The following PIK3C3 variants were observed in gnomAD, a reference collection of about 807,000 sequenced individuals.
PIK3C3 encodes the protein PI3-kinase type 3.
In PIK3C3, 95 loss-of-function variants were observed where a neutral mutation model predicts 126.1. The observed-to-expected ratio is 0.75, with a 90% CI of 0.64 to 0.89. PIK3C3 has a LOEUF of 0.89. Among genes scored for constraint, PIK3C3 ranks in the 40% least tolerant of loss-of-function variants. The pLI, the probability that PIK3C3 is intolerant of heterozygous loss-of-function variation, is 0.00. For synonymous variants in PIK3C3, 374 were observed against 360.0 expected (o/e 1.04, Z -0.44); for missense variants, 829 against 1,063.2 (o/e 0.78, Z 3.06).
intron 10 of PIK3C3, among the ~76,000 whole-genome samples, chr18:42,006,092 A>G (rs1982529105): frequency 6.6e-6 from 1 of 151,224 alleles, no homozygotes; most frequent in Non-Finnish European, 1.5e-5. Flanking sequence ...ATCCTAAAGG[A>G]TACAGAAGAA....
intron 22 of PIK3C3, among the ~76,000 whole-genome samples, chr18:42,062,187 T>G (rs576668940): frequency 1.8e-4 from 27 of 152,252 alleles, no homozygotes; most frequent in South Asian, 6.2e-4. Flanking sequence ...TATGTACCTA[T>G]GTAATCAACA....
intron 16 of PIK3C3, among the ~76,000 whole-genome samples, chr18:42,036,079 C>T (rs899056009): frequency 1.3e-4 from 20 of 152,122 alleles, no homozygotes; most frequent in Admixed American, 5.2e-4. Context: ...CTTCCAATTA[C>T]TAGGGCTCAA....
chr18:42,011,155 C>T (rs1385584578), intron 10 of PIK3C3, among the ~76,000 whole-genome samples: 1 of 152,182 alleles, frequency 6.6e-6, no homozygotes, highest in African/African-American at 2.4e-5. Context: ...TAGCGTAATT[C>T]TTAAGGGCCC....
chr18:41,983,190 C>T (rs928436950), intron 4 of PIK3C3, among the ~76,000 whole-genome samples: 1 of 152,020 alleles, frequency 6.6e-6, no homozygotes, highest in African/African-American at 2.4e-5. Flanking sequence ...TTATTTCCAC[C>T]TTGATGTTCT....
At chr18:42,042,785 A>C (rs1288119356) in intron 19 of PIK3C3, among the ~76,000 whole-genome samples, 1 of 152,244 alleles carries the variant, frequency 6.6e-6, no homozygotes, top group Non-Finnish European at 1.5e-5. Flanking sequence ...GTTGTTTTCC[A>C]AAACAGTAAC....
At chr18:42,034,806 G>A (rs1260642384) in intron 16 of PIK3C3, among the ~76,000 whole-genome samples, 1 of 152,158 alleles carries the variant, frequency 6.6e-6, no homozygotes, top group South Asian at 2.1e-4. Context: ...CTTTGCATGA[G>A]TTAAGAAAGG....
chr18:42,052,149 TTGTG>T (rs1287849185), intron 21 of PIK3C3, among the ~76,000 whole-genome samples: 3 of 151,984 alleles, frequency 2.0e-5, no homozygotes, highest in African/African-American at 4.8e-5. Context: ...AAAAGTGCCC[TTGTG>T]TGTATTTGTG....
At chr18:42,003,612 G>C (rs1213360385) in intron 9 of PIK3C3, among the ~76,000 whole-genome samples, 2 of 152,100 alleles carry the variant, frequency 1.3e-5, no homozygotes, top group African/African-American at 4.8e-5. Context: ...AGGACTTACT[G>C]TTTGTGCAAT....
chr18:41,970,240 GAATTCTCTTTATTTTTAGGAATCT>G (rs1316134975), intron 3 of PIK3C3, 63 bp from the exon 4 acceptor site: 1 of 1,119,284 alleles, frequency 8.9e-7, no homozygotes, highest in Admixed American at 1.9e-5. Context: ...TCCATGTATA[GAATTCTCTTTATTTTTAGGAATCT>G]AAAATTTCCT....
intron 21 of PIK3C3, chr18:42,051,035 G>A (rs1049113734): frequency 2.0e-5 from 3 of 152,208 alleles, no homozygotes; most frequent in Non-Finnish European, 4.4e-5. Context: ...CTTATCACTA[G>A]CTGAAGTTAC....
At chr18:41,988,714 A>C (rs1981621388) in intron 5 of PIK3C3, among the ~76,000 whole-genome samples, 1 of 152,128 alleles carries the variant, frequency 6.6e-6, no homozygotes, top group Non-Finnish European at 1.5e-5. Flanking sequence ...TTTATTTTAA[A>C]ATAAAGGTAG....
chr18:41,999,950 A>G (rs146150090), intron 9 of PIK3C3, among the ~76,000 whole-genome samples: 1 of 152,342 alleles, frequency 6.6e-6, no homozygotes, highest in African/African-American at 2.4e-5. Context: ...AAAAGATGGC[A>G]TCAGATTGTG....
At chr18:42,042,819 C>T (rs905569563) in intron 19 of PIK3C3, among the ~76,000 whole-genome samples, 1 of 152,200 alleles carries the variant, frequency 6.6e-6, no homozygotes, top group Non-Finnish European at 1.5e-5. Flanking sequence ...CTCCTTGCTA[C>T]ATGTCTGCCA....
chr18:42,051,381 C>T (rs1051095482), intron 21 of PIK3C3: 9 of 152,160 alleles, frequency 5.9e-5, no homozygotes, highest in African/African-American at 2.2e-4. Flanking sequence ...GTTTACGTTA[C>T]TCTTTAAATT....
At chr18:42,054,505 C>T (rs1285173115) in intron 21 of PIK3C3, among the ~76,000 whole-genome samples, 1 of 152,032 alleles carries the variant, frequency 6.6e-6, no homozygotes, top group Non-Finnish European at 1.5e-5. Flanking sequence ...GCAGCACCCT[C>T]ACAGACACAC....
At chr18:42,015,961 A>G (rs1983055323) in intron 12 of PIK3C3, among the ~76,000 whole-genome samples, 1 of 152,194 alleles carries the variant, frequency 6.6e-6, no homozygotes, top group Non-Finnish European at 1.5e-5. Flanking sequence ...CTTTTTAACT[A>G]TACATATAAG....
At chr18:42,006,930 C>G (rs1381316268) in intron 10 of PIK3C3, among the ~76,000 whole-genome samples, 1 of 135,264 alleles carries the variant, frequency 7.4e-6, no homozygotes, top group Non-Finnish European at 1.5e-5. Context: ...GTGGCGTGAT[C>G]TCAGCTCACT....
At chr18:42,042,841 T>C (rs1984384194) in intron 19 of PIK3C3, among the ~76,000 whole-genome samples, 2 of 152,208 alleles carry the variant, frequency 1.3e-5, no homozygotes, top group South Asian at 4.1e-4. Flanking sequence ...ATCGTAGTGT[T>C]GCCAAACTTC....
chr18:41,982,374 G>C (rs1981249752), intron 4 of PIK3C3, among the ~76,000 whole-genome samples: 2 of 152,142 alleles, frequency 1.3e-5, no homozygotes, highest in Admixed American at 1.3e-4. Context: ...GTTGGATCTA[G>C]TTGAAGGGCC....
Sources: gnomAD v4.1 joint callset for allele counts (sites outside exome capture counted in the v4.1 genomes callset) on GRCh38, gnomAD v4.1.1 for gene constraint, MANE v1.5 for transcripts, NCBI Gene and HGNC (gene_info 2026-07-23, HGNC 2026-07-21) for gene names.